The following PTPRO variants were observed in gnomAD, a reference collection of about 807,000 sequenced individuals.
The protein encoded by PTPRO is protein tyrosine phosphatase receptor type O, also known as receptor-type tyrosine-protein phosphatase O.
PTPRO carries 62 observed loss-of-function variants against 145.2 expected under a neutral mutation model. The ratio of observed to expected loss-of-function variants is 0.43; its 90% CI spans 0.35 to 0.53. The LOEUF (loss-of-function observed/expected upper bound fraction) is 0.53. PTPRO is among the 20% of genes least tolerant of loss of function. PTPRO has a pLI of 0.01. For synonymous variants in PTPRO, 565 were observed against 514.7 expected (o/e 1.10, Z -1.32); for missense variants, 1,345 against 1,482.7 (o/e 0.91, Z 1.53).
At chr12:15,476,405 TG>T (rs1941654904) in intron 1 of PTPRO, among the ~76,000 whole-genome samples, 1 of 152,012 alleles carries the variant, frequency 6.6e-6, no homozygotes, top group Non-Finnish European at 1.5e-5. Context: ...CACTTTTTGA[TG>T]GGGTTGTTTG....
intron 18 of PTPRO, among the ~76,000 whole-genome samples, chr12:15,568,428 T>TCAAAACAAAACAAAA (rs10524989): frequency 6.8e-4 from 102 of 149,484 alleles, no homozygotes; most frequent in African/African-American, 2.0e-3. Flanking sequence ...AGACTCTGTC[T>TCAAAACAAAACAAAA]CAAAACAAAA....
At chr12:15,386,223 A>C (rs1335937718) in intron 1 of PTPRO, among the ~76,000 whole-genome samples, 2 of 152,192 alleles carry the variant, frequency 1.3e-5, no homozygotes, top group Non-Finnish European at 2.9e-5. Context: ...CAGTTGCATG[A>C]GATTTCAGAT....
intron 1 of PTPRO, among the ~76,000 whole-genome samples, chr12:15,412,396 A>G (rs1316115357): frequency 6.6e-6 from 1 of 152,246 alleles, no homozygotes; most frequent in East Asian, 1.9e-4. Context: ...ACTGTGTGAA[A>G]GGCTATCATG....
intron 12 of PTPRO, among the ~76,000 whole-genome samples, chr12:15,542,277 GGAA>G (rs1202111749): frequency 3.9e-5 from 6 of 152,232 alleles, no homozygotes; most frequent in African/African-American, 1.4e-4. Context: ...GTGCCACACT[GGAA>G]GAAGAATTAT....
chr12:15,563,183 A>G (rs1228915047), intron 17 of PTPRO, among the ~76,000 whole-genome samples: 1 of 152,120 alleles, frequency 6.6e-6, no homozygotes, highest in Non-Finnish European at 1.5e-5. Context: ...AAGAGAAAAA[A>G]CTAAAAGTGC....
In PTPRO at chr12:15,508,762, A is replaced by T; in HGVS notation, c.1459A>T (p.Thr487Ser). 1 of 1,614,026 alleles carries T rather than the reference A, an allele frequency of 6.2e-7. No homozygotes were observed. Among genetic ancestry groups the T allele is most frequent in the Non-Finnish European group, 8.5e-7 (1 of 1,179,952 alleles). ...ESQRLEKQYC[T>S]QVNSSKPIIE... ...CCAGAGGCTTGAAAAGCAGTACTGC[A>T]CTCAGGTAAAGGAGAGGAAATGAGA... The change falls in exon 7 of 27, where the codon ACT becomes TCT. Residue 487 changes from threonine (T) to serine (S), a missense_variant. Transcript: ENST00000281171.
At chr12:15,401,299 C>T (rs930620198) in intron 1 of PTPRO, among the ~76,000 whole-genome samples, 1 of 152,214 alleles carries the variant, frequency 6.6e-6, no homozygotes, top group African/African-American at 2.4e-5. Flanking sequence ...AAAAACTAGT[C>T]ATCTCCCCAT....
At chr12:15,368,356 G>C (rs1938426519) in intron 1 of PTPRO, among the ~76,000 whole-genome samples, 1 of 152,216 alleles carries the variant, frequency 6.6e-6, no homozygotes, top group Non-Finnish European at 1.5e-5. Flanking sequence ...ATATAAAGGT[G>C]TAATTAAACC....
intron 1 of PTPRO, among the ~76,000 whole-genome samples, chr12:15,396,220 G>T (rs751393021): frequency 1.3e-5 from 2 of 152,070 alleles, no homozygotes; most frequent in Non-Finnish European, 2.9e-5. Flanking sequence ...AAATACGTAG[G>T]TTCAGGTATA....
intron 1 of PTPRO, among the ~76,000 whole-genome samples, chr12:15,469,817 G>T (rs1482514382): frequency 7.1e-6 from 1 of 141,360 alleles, no homozygotes; most frequent in Non-Finnish European, 1.5e-5. Flanking sequence ...ATGTCTCAAA[G>T]AAAATCAATG....
chr12:15,401,625 C>A (rs1055580590), intron 1 of PTPRO, among the ~76,000 whole-genome samples: 3 of 152,146 alleles, frequency 2.0e-5, no homozygotes, highest in Non-Finnish European at 4.4e-5. Flanking sequence ...AGACATCCTA[C>A]AGACAAATAA....
chr12:15,385,846 G>A (rs1022902107), intron 1 of PTPRO, among the ~76,000 whole-genome samples: 2 of 147,400 alleles, frequency 1.4e-5, no homozygotes, highest in Admixed American at 1.4e-4. Flanking sequence ...AGAAGAAGAA[G>A]GACAGATGCT....
intron 1 of PTPRO, among the ~76,000 whole-genome samples, chr12:15,404,912 T>C (rs556599822): frequency 5.9e-5 from 9 of 152,220 alleles, no homozygotes; most frequent in Admixed American, 3.3e-4. Flanking sequence ...AAGATCAAGG[T>C]GCTGGCCAGT....
intron 1 of PTPRO, among the ~76,000 whole-genome samples, chr12:15,481,287 T>G (rs886532759): frequency 6.6e-6 from 1 of 152,184 alleles, no homozygotes; most frequent in Non-Finnish European, 1.5e-5. Flanking sequence ...TGCCCATGTG[T>G]CTGGAATAAC....
chr12:15,553,908 G>C (rs1204016449), intron 15 of PTPRO, among the ~76,000 whole-genome samples: 1 of 152,130 alleles, frequency 6.6e-6, no homozygotes, highest in African/African-American at 2.4e-5. Context: ...AGTTGATATG[G>C]AATGGAAATG....
In PTPRO at chr12:15,581,667, TC is replaced by T. The variant is rs1944320884; in HGVS notation, c.3133-10del. 25 of 1,613,612 alleles carry T rather than the reference TC, an allele frequency of 1.5e-5. No individual in the cohort carries two copies. Among genetic ancestry groups the T allele is most frequent in the Non-Finnish European group, 1.9e-5 (22 of 1,179,700 alleles). The stretch of plus-strand genomic sequence containing the variant: ...CTGTTTGTTTTAAAAAATTGTTTTG[TC>T]CTTGCTCCAGGTGAAATGTGACCAT... On this transcript the variant is annotated splice_polypyrimidine_tract_variant and intron_variant, in intron 22 of 26. Transcript: ENST00000281171.
At chr12:15,557,882 G>A (rs1054517427) in intron 16 of PTPRO, among the ~76,000 whole-genome samples, 7 of 152,072 alleles carry the variant, frequency 4.6e-5, no homozygotes, top group African/African-American at 1.2e-4. Context: ...AGCAGCTTGC[G>A]ACAGATCGGC....
chr12:15,348,458 G>A (rs1427545311), intron 1 of PTPRO: 1 of 151,854 alleles, frequency 6.6e-6, no homozygotes, highest in Non-Finnish European at 1.5e-5. Flanking sequence ...CAGTGAAGGA[G>A]TTAAAAAAAA....
intron 1 of PTPRO, among the ~76,000 whole-genome samples, chr12:15,451,127 A>G (rs1941035209): frequency 6.6e-6 from 1 of 152,128 alleles, no homozygotes; most frequent in African/African-American, 2.4e-5. Flanking sequence ...ACTTAAGGTA[A>G]AGGGATGGAA....
Sources: gnomAD v4.1 joint callset for allele counts (sites outside exome capture counted in the v4.1 genomes callset) on GRCh38, gnomAD v4.1.1 for gene constraint, MANE v1.5 for transcripts, NCBI Gene and HGNC (gene_info 2026-07-23, HGNC 2026-07-21) for gene names.